PTPN12: variants seen among roughly 807,000 people sequenced by gnomAD.
The protein encoded by PTPN12 is tyrosine-protein phosphatase non-receptor type 12.
A neutral mutation model predicts 97.6 loss-of-function variants in PTPN12; 29 were observed. That is an observed-to-expected ratio of 0.30 (90% CI 0.22 to 0.41). The LOEUF (loss-of-function observed/expected upper bound fraction) is 0.41. Ranked by LOEUF, PTPN12 falls within the 10% of genes least tolerant of loss-of-function variation. The probability of loss-of-function intolerance (pLI) is 1.00; values close to 1 mark genes in which losing one functional copy is unlikely to be tolerated. For synonymous variants in PTPN12, 327 were observed against 300.4 expected, an observed-to-expected ratio of 1.09 and a Z score of -0.91; for missense variants, 819 against 926.0, an observed-to-expected ratio of 0.88 and a Z score of 1.50.
At position 77,620,154 on chromosome 7, in the gene PTPN12, C is replaced by T. The variant is rs558974643; in HGVS notation, c.1025+1589C>T. Among the ~76,000 whole-genome samples the T allele has an allele frequency of 9.9e-5, 15 of 152,236 alleles. No individual in the cohort carries two copies. The South Asian group carries it at 2.1e-3, about 21-fold the overall frequency. On this transcript the variant is annotated intron_variant, in intron 12 of 17. Coordinates refer to ENST00000248594, the MANE Select transcript of PTPN12 (RefSeq NM_002835.4). ...GAGCCAATATAGAGGTTTTCAAAGTCTACACTGATATTTATGATTTGTATG... is the reference window on the plus strand; with the variant it reads ...GAGCCAATATAGAGGTTTTCAAAGTTTACACTGATATTTATGATTTGTATG...
In PTPN12 at chr7:77,620,191, C is replaced by CT. The variant is rs1788884914; in HGVS notation, c.1025+1627dup. 2.0e-5 allele frequency among the ~76,000 whole-genome samples: 3 copies of CT among 152,228 alleles called. No homozygotes were observed. The South Asian group carries it at 6.2e-4, about 32-fold the overall frequency. On this transcript the variant is annotated intron_variant, in intron 12 of 17. Coordinates refer to ENST00000248594, the MANE Select transcript of PTPN12 (RefSeq NM_002835.4). ...TTATGATTTGTATGTTCTTCTACCT[C>CT]TAACTACATGTAGCAGCAGTCTCTT...
Position 77,618,581 on chromosome 7 carries a change from G to C in PTPN12, c.1025+16G>C. The C allele has an allele frequency of 6.5e-7, 1 of 1,536,790 alleles. No homozygotes were observed. Among genetic ancestry groups the C allele is most frequent in the Non-Finnish European group, 8.9e-7 (1 of 1,118,254 alleles). On this transcript the variant is annotated intron_variant, in intron 12 of 17. Transcript: ENST00000248594. ...GGACCCGCAGGTATTGTATGTCTTCGAACATTTTCTTTAAAAGCATACTTG... is the reference window on the plus strand; with the variant it reads ...GGACCCGCAGGTATTGTATGTCTTCCAACATTTTCTTTAAAAGCATACTTG...
chr7:77,619,812 C>T (rs1036727652), intron 12 of PTPN12, among the ~76,000 whole-genome samples: 6 of 152,158 alleles, frequency 3.9e-5, no homozygotes, highest in Non-Finnish European at 7.4e-5. Flanking sequence ...AATACCTTTG[C>T]ATACTTCTCT....
intron 9 of PTPN12, among the ~76,000 whole-genome samples, chr7:77,608,451 T>TA (rs1447295944): frequency 6.6e-6 from 1 of 152,208 alleles, no homozygotes; most frequent in African/African-American, 2.4e-5. Flanking sequence ...ATAAATAAGA[T>TA]ACAGCCTTCA....
chr7:77,592,277 A>G, intron 6 of PTPN12, 21 bp downstream of exon 6: 1 of 1,589,970 alleles, frequency 6.3e-7, no homozygotes. Context: ...ATTTTTGTAA[A>G]CACTTTTTTC....
At chr7:77,581,574 T>G (rs1787517301) in intron 3 of PTPN12, 71 bp downstream of exon 3, 2 of 903,690 alleles carry the variant, frequency 2.2e-6, no homozygotes, top group Admixed American at 2.9e-5. Context: ...TTGTAAAAAC[T>G]TTTTGAATTG....
At chr7:77,538,605 TAA>T (rs1488933525) in intron 1 of PTPN12, among the ~76,000 whole-genome samples, 2 of 151,840 alleles carry the variant, frequency 1.3e-5, no homozygotes, top group Non-Finnish European at 1.5e-5. Context: ...AGGTGAAGGT[TAA>T]AAGTCTTGTT....
At chr7:77,549,999 T>G (rs1807409249) in intron 1 of PTPN12, among the ~76,000 whole-genome samples, 1 of 152,218 alleles carries the variant, frequency 6.6e-6, no homozygotes, top group African/African-American at 2.4e-5. Flanking sequence ...ATTGTTAAAA[T>G]TATCCTAACT....
At chr7:77,576,197 A>G (rs62473661) in intron 2 of PTPN12, among the ~76,000 whole-genome samples, 36,919 of 152,020 alleles carry the variant, frequency 0.24, 4,717 homozygotes, top group Non-Finnish European at 0.28. Flanking sequence ...TGTAGCATGC[A>G]TCGATAGTTC....
At chr7:77,629,197 C>A (rs1369244743) in intron 13 of PTPN12, among the ~76,000 whole-genome samples, 1 of 152,236 alleles carries the variant, frequency 6.6e-6, no homozygotes, top group African/African-American at 2.4e-5. Flanking sequence ...GATCCGCCCA[C>A]CTCGGCCTCC....
chr7:77,593,798 G>C (rs1471616367), intron 6 of PTPN12, among the ~76,000 whole-genome samples: 1 of 152,188 alleles, frequency 6.6e-6, no homozygotes, highest in African/African-American at 2.4e-5. Flanking sequence ...CTGTGGCCCA[G>C]CCAAGTTGAC....
rs1272932433 is a variant in PTPN12, at chr7:77,590,859, C to T, written c.421-1326C>T. Among the ~76,000 whole-genome samples, 4 of 151,634 alleles carry T rather than the reference C, an allele frequency of 2.6e-5. No individual in the cohort carries two copies. The South Asian group carries it at 8.3e-4, about 31-fold the overall frequency. ...GATTATAGGCATGAGCCACCACGCC[C>T]GGCCTCCATCTATTAAAAAAAAAAA... On this transcript the variant is annotated intron_variant, in intron 5 of 17. Coordinates refer to ENST00000248594, the MANE Select transcript of PTPN12 (RefSeq NM_002835.4).
At chr7:77,575,318 AACAC>A (rs1173619635) in intron 2 of PTPN12, among the ~76,000 whole-genome samples, 45 of 146,058 alleles carry the variant, frequency 3.1e-4, no homozygotes, top group South Asian at 1.1e-3. Context: ...AGCAAAACTC[AACAC>A]ACACACGCAC....
At chr7:77,611,981 ATTTT>A (rs370589017) in intron 11 of PTPN12, among the ~76,000 whole-genome samples, 1 of 140,038 alleles carries the variant, frequency 7.1e-6, no homozygotes, top group Non-Finnish European at 1.6e-5. Flanking sequence ...AGGTGCTGAG[ATTTT>A]TTTTTTTTTT....
At chr7:77,625,848 G>T (rs1440281275) in intron 12 of PTPN12, among the ~76,000 whole-genome samples, 1 of 151,878 alleles carries the variant, frequency 6.6e-6, no homozygotes, top group Non-Finnish European at 1.5e-5. Flanking sequence ...GGGATTACAG[G>T]CGTGAGCCAC....
At chr7:77,598,356 A>G (rs1207579926) in intron 7 of PTPN12, among the ~76,000 whole-genome samples, 2 of 152,122 alleles carry the variant, frequency 1.3e-5, no homozygotes, top group Non-Finnish European at 2.9e-5. Context: ...CAATACACCC[A>G]TGTAAGCTGC....
chr7:77,607,332 A>G (rs779072156), intron 9 of PTPN12, 31 bp downstream of exon 9: 2 of 1,426,788 alleles, frequency 1.4e-6, no homozygotes, highest in Non-Finnish European at 2.0e-6. Flanking sequence ...CATTATGTTC[A>G]ATTGATCTAT....
At chr7:77,557,751 G>A (rs1043427749) in intron 1 of PTPN12, among the ~76,000 whole-genome samples, 4 of 152,040 alleles carry the variant, frequency 2.6e-5, no homozygotes, top group African/African-American at 7.2e-5. Context: ...AAACATGGGC[G>A]TATGGTATGA....
chr7:77,607,442 G>A (rs1019447258), intron 9 of PTPN12, 141 bp downstream of exon 9: 4 of 639,918 alleles, frequency 6.3e-6, no homozygotes, highest in Non-Finnish European at 1.0e-5. Context: ...AAGAAATAAA[G>A]GTAGTGAAGG....
Sources: gnomAD v4.1 joint callset for allele counts (sites outside exome capture counted in the v4.1 genomes callset) on GRCh38, gnomAD v4.1.1 for gene constraint, MANE v1.5 for transcripts, NCBI Gene and HGNC (gene_info 2026-07-23, HGNC 2026-07-21) for gene names.